DPYD: variants seen among roughly 807,000 people sequenced by gnomAD.
The protein encoded by DPYD is dihydropyrimidine dehydrogenase, also known as dihydropyrimidine dehydrogenase [NADP(+)].
A neutral mutation model predicts 116.2 loss-of-function variants in DPYD; 109 were observed. The ratio of observed to expected loss-of-function variants is 0.94; its 90% confidence interval spans 0.80 to 1.10. DPYD has a LOEUF of 1.10. Among genes scored for constraint, DPYD ranks in the 50% least tolerant of loss-of-function variants. The pLI is 0.00. For missense variants in DPYD, 1,302 were observed against 1,254.5 expected, an observed-to-expected ratio of 1.04 and a Z score of -0.57; for synonymous variants, 440 against 432.0, an observed-to-expected ratio of 1.02 and a Z score of -0.23.
At chr1:97,827,606 C>A (rs948073645) in intron 3 of DPYD, among the ~76,000 whole-genome samples, 2 of 151,864 alleles carry the variant, frequency 1.3e-5, no homozygotes, top group East Asian at 3.9e-4. Context: ...TCATTATAGA[C>A]CACTATAGTT....
At chr1:97,740,968 A>G (rs1245056707) in intron 3 of DPYD, among the ~76,000 whole-genome samples, 1 of 151,852 alleles carries the variant, frequency 6.6e-6, no homozygotes, top group South Asian at 2.1e-4. Context: ...TCTCTTTCCA[A>G]TTGTCTGAAG....
chr1:97,185,905 G>A (rs533320851), intron 20 of DPYD, among the ~76,000 whole-genome samples: 3 of 152,206 alleles, frequency 2.0e-5, no homozygotes, highest in East Asian at 1.9e-4. Context: ...AGGATTTCAC[G>A]GATATATGTG....
intron 3 of DPYD, among the ~76,000 whole-genome samples, chr1:97,788,553 T>A (rs763173160): frequency 6.6e-6 from 1 of 152,162 alleles, no homozygotes; most frequent in Non-Finnish European, 1.5e-5. Context: ...TCCAGCCAAT[T>A]GACACAATTG....
At chr1:97,499,586 T>C (rs1450381504) in intron 13 of DPYD, among the ~76,000 whole-genome samples, 1 of 151,758 alleles carries the variant, frequency 6.6e-6, no homozygotes, top group Non-Finnish European at 1.5e-5. Context: ...CAAAAAAACA[T>C]CCATATCTAT....
intron 14 of DPYD, among the ~76,000 whole-genome samples, chr1:97,402,337 A>T (rs1673421348): frequency 6.6e-6 from 1 of 152,076 alleles, no homozygotes; most frequent in African/African-American, 2.4e-5. Context: ...ATCTTGTCAT[A>T]TTTTGATAGA....
intron 4 of DPYD, among the ~76,000 whole-genome samples, chr1:97,729,029 C>T (rs559672910): frequency 1.3e-5 from 2 of 151,992 alleles, no homozygotes; most frequent in East Asian, 3.9e-4. Flanking sequence ...TTAGATATAC[C>T]ACATTTTAGA....
chr1:97,453,483 T>C (rs1374325545), intron 13 of DPYD, among the ~76,000 whole-genome samples: 1 of 152,118 alleles, frequency 6.6e-6, no homozygotes, highest in East Asian at 1.9e-4. Flanking sequence ...AAATTTCACC[T>C]ATAACTAATA....
intron 20 of DPYD, among the ~76,000 whole-genome samples, chr1:97,179,520 C>T (rs1012730333): frequency 2.0e-5 from 3 of 152,056 alleles, no homozygotes; most frequent in African/African-American, 7.2e-5. Context: ...AAACGAAATG[C>T]TTTAAAGATG....
chr1:97,835,757 C>A (rs1045999308), intron 2 of DPYD, among the ~76,000 whole-genome samples: 1 of 152,018 alleles, frequency 6.6e-6, no homozygotes, highest in African/African-American at 2.4e-5. Flanking sequence ...TTGTGGAGTT[C>A]TATGTCCCAT....
intron 20 of DPYD, among the ~76,000 whole-genome samples, chr1:97,171,827 A>G (rs1656742231): frequency 6.6e-6 from 1 of 152,188 alleles, no homozygotes. Flanking sequence ...TAGGATGAAC[A>G]CATACATCAT....
chr1:97,725,841 C>T (rs1412654795), intron 4 of DPYD, among the ~76,000 whole-genome samples: 2 of 151,504 alleles, frequency 1.3e-5, no homozygotes, highest in African/African-American at 4.8e-5. Flanking sequence ...TGGACAATAA[C>T]TGCTAATAAG....
At chr1:97,903,656 A>G (rs1157232311) in intron 1 of DPYD, among the ~76,000 whole-genome samples, 5 of 152,022 alleles carry the variant, frequency 3.3e-5, no homozygotes, top group Admixed American at 2.0e-4. Flanking sequence ...CTGTCTTACA[A>G]TTCATCTTTT....
chr1:97,360,649 C>T (rs1670672727), intron 16 of DPYD, among the ~76,000 whole-genome samples: 1 of 152,186 alleles, frequency 6.6e-6, no homozygotes, highest in South Asian at 2.1e-4. Flanking sequence ...GATTAAGAAA[C>T]TCATTCAAAA....
At chr1:97,516,577 C>T (rs1170584272) in intron 12 of DPYD, among the ~76,000 whole-genome samples, 1 of 151,878 alleles carries the variant, frequency 6.6e-6, no homozygotes, top group Non-Finnish European at 1.5e-5. Context: ...CAAATAGGTC[C>T]CAAATAGTTT....
At chr1:97,235,068 C>T (rs1378341012) in intron 18 of DPYD, 74 bp from the exon 19 acceptor site, 1 of 1,572,804 alleles carries the variant, frequency 6.4e-7, no homozygotes, top group African/African-American at 1.3e-5. Flanking sequence ...ACTTCTATTA[C>T]TATGATGTGA....
At chr1:97,289,400 A>G (rs1014301021) in intron 18 of DPYD, among the ~76,000 whole-genome samples, 2 of 152,118 alleles carry the variant, frequency 1.3e-5, no homozygotes, top group African/African-American at 4.8e-5. Flanking sequence ...AGAATTTTAG[A>G]CCAATATCCT....
chr1:97,208,129 CA>C (rs1200715957), intron 19 of DPYD, among the ~76,000 whole-genome samples: 1 of 151,940 alleles, frequency 6.6e-6, no homozygotes, highest in Admixed American at 6.6e-5. Context: ...CAGAAGAGAG[CA>C]ATTGTTTTTG....
rs1553251386 is a variant in DPYD, at chr1:97,852,035, A to AAAG, written c.151-23840_151-23839insCTT. Among the ~76,000 whole-genome samples, 473 of 151,376 alleles carry AAAG rather than the reference A, an allele frequency of 3.1e-3. 5 individuals are homozygous for AAAG. Among genetic ancestry groups the AAAG allele is most frequent in the African/African-American group, 0.011 (451 of 41,226 alleles). On this transcript the variant is annotated intron_variant, in intron 2 of 22. Coordinates refer to ENST00000370192, the MANE Select transcript of DPYD (RefSeq NM_000110.4). ...ACTGTGCAATTTACAAAAAAAAAAA[A>AAAG]AAAGAAAGAAAGAAAAAGAAAGTGC...
intron 1 of DPYD, among the ~76,000 whole-genome samples, chr1:97,917,992 C>A (rs1004824796): frequency 3.9e-5 from 6 of 152,052 alleles, no homozygotes; most frequent in African/African-American, 9.7e-5. Context: ...GGGAAAGTGA[C>A]CAATGTCCAA....
Sources: gnomAD v4.1 joint callset for allele counts (sites outside exome capture counted in the v4.1 genomes callset) on GRCh38, gnomAD v4.1.1 for gene constraint, MANE v1.5 for transcripts, NCBI Gene and HGNC (gene_info 2026-07-23, HGNC 2026-07-21) for gene names.